Variants in LAMA1 observed in about 807,000 individuals in gnomAD.
LAMA1 encodes the protein laminin subunit alpha 1.
LAMA1 carries 219 observed loss-of-function variants against 348.7 expected under a neutral mutation model. That is an observed-to-expected ratio of 0.63 (90% CI 0.56 to 0.70). The LOEUF is 0.70. Among genes scored for constraint, LAMA1 ranks in the 30% least tolerant of loss-of-function variants. The probability of loss-of-function intolerance (pLI) is 0.00; values close to 1 mark genes in which losing one functional copy is unlikely to be tolerated. For missense variants in LAMA1, 3,744 were observed against 3,888.0 expected, an observed-to-expected ratio of 0.96 and a Z score of 0.99; for synonymous variants, 1,487 against 1,491.0, an observed-to-expected ratio of 1.00 and a Z score of 0.06.
At chr18:7,088,024 C>A (rs73938572) in intron 1 of LAMA1, among the ~76,000 whole-genome samples, 3,208 of 152,260 alleles carry the variant, frequency 0.021, 113 homozygotes, top group African/African-American at 0.072. Context: ...ATCTCTGTTT[C>A]TCTTAAGTTT....
chr18:6,997,772 T>G lies in LAMA1; in HGVS notation c.4776A>C (p.Ser1592=). The stretch of plus-strand genomic sequence containing the variant: ...GATATTTAGTTGTATTTTCCAGGTT[T>G]GACAAAATTCCATATGGGACAGGGA... ...GIIPVPYGIL[S]NLENTTKYLQ... The change falls in exon 33 of 63, where the codon TCA becomes TCC. Residue 1592 remains serine, a synonymous_variant. Transcript: ENST00000389658. The G allele has an allele frequency of 6.2e-7, 1 of 1,614,132 alleles. No homozygotes were observed. Among genetic ancestry groups the G allele is most frequent in the Non-Finnish European group, 8.5e-7 (1 of 1,179,974 alleles).
Position 6,943,243 on chromosome 18 carries a change from T to C in LAMA1, c.9004A>G (p.Ser3002Gly), listed in dbSNP as rs753517616. 1.2e-6 allele frequency: 2 copies of C among 1,614,198 alleles called. No individual in the cohort carries two copies. The highest frequency in any genetic ancestry group is 2.2e-5 in the South Asian group (2 of 91,086). ...IVDGNAVGAESPHTQSTSVDT... is the reference protein window; with the variant it reads ...IVDGNAVGAEGPHTQSTSVDT... ...ACTGAGGTAGACTGGGTGTGTGGACTTTCAGCGCCAACTGCGTTCCCGTCA... is the reference window on the plus strand; with the variant it reads ...ACTGAGGTAGACTGGGTGTGTGGACCTTCAGCGCCAACTGCGTTCCCGTCA... The change falls in exon 62 of 63, where the codon AGT (serine) becomes GGT (glycine). Residue 3002 changes from serine (S) to glycine (G), a missense_variant. Ser to Gly is a moderately conservative substitution (Grantham distance 56). Coordinates refer to ENST00000389658, the MANE Select transcript of LAMA1 (RefSeq NM_005559.4).
At chr18:7,116,887 C>G (rs2143846352) in intron 1 of LAMA1, among the ~76,000 whole-genome samples, 1 of 152,232 alleles carries the variant, frequency 6.6e-6, no homozygotes, top group African/African-American at 2.4e-5. Flanking sequence ...TGAAAATTCG[C>G]TCTGAGTTTC....
intron 58 of LAMA1, among the ~76,000 whole-genome samples, chr18:6,950,571 T>G (rs2057541906): frequency 6.6e-6 from 1 of 152,204 alleles, no homozygotes; most frequent in South Asian, 2.1e-4. Flanking sequence ...GAATGTCTAT[T>G]TCACGTCAGG....
intron 1 of LAMA1, among the ~76,000 whole-genome samples, chr18:7,097,154 C>A (rs549538773): frequency 6.6e-6 from 1 of 152,166 alleles, no homozygotes; most frequent in Non-Finnish European, 1.5e-5. Context: ...CAACCGATAG[C>A]TGGACCAGCC....
chr18:6,953,582 CCT>C (rs1186660656), intron 57 of LAMA1: 1 of 152,160 alleles, frequency 6.6e-6, no homozygotes, highest in African/African-American at 2.4e-5. Flanking sequence ...AGCCAGAAGG[CCT>C]GGGTTCGAAT....
In LAMA1 at chr18:7,021,023, C is replaced by A. The variant is rs559760114; in HGVS notation, c.2701+2141G>T. Among the ~76,000 whole-genome samples, 6 of 152,116 alleles carry A rather than the reference C, an allele frequency of 3.9e-5. No individual in the cohort carries two copies. In the South Asian group the frequency reaches 1.2e-3, roughly 32 times the overall value. The stretch of plus-strand genomic sequence containing the variant: ...CTGCTTCCCACCTATCAGCCCGAGA[C>A]CTCCCCTCCCTGTCTCTGTCTTTTC... On this transcript the variant is annotated intron_variant, in intron 19 of 62. Coordinates refer to ENST00000389658, the MANE Select transcript of LAMA1 (RefSeq NM_005559.4).
chr18:7,014,138 A>C, intron 22 of LAMA1, 87 bp from the exon 23 acceptor site: 2 of 1,028,060 alleles, frequency 1.9e-6, no homozygotes, highest in Non-Finnish European at 3.0e-6. Flanking sequence ...AAAACACTAC[A>C]TGTGGGGAAG....
In LAMA1 at chr18:6,964,690, C is replaced by T. The variant is rs748690780; in HGVS notation, c.7309G>A (p.Gly2437Ser). The change falls in exon 51 of 63, where the codon GGT becomes AGT. Residue 2437 changes from glycine (G) to serine (S), a missense_variant. Physicochemically the swap from Gly to Ser is moderately conservative, Grantham distance 56. This residue lies in a region of LAMA1 where 1,983 missense variants were observed against 1,934.3 expected (regional missense o/e 1.03). Transcript: ENST00000389658. The part of the protein sequence containing the change: ...NRLDKDPIYV[G>S]GLPRSRVVRR... ...ACAACTCTTGACCTTGGTAATCCAC[C>T]CACATAAATCGGGTCCTTGTCTAGG... 27 of 1,614,024 alleles carry T rather than the reference C, an allele frequency of 1.7e-5. No homozygotes were observed. Among genetic ancestry groups the T allele is most frequent in the Non-Finnish European group, 2.0e-5 (24 of 1,180,034 alleles).
rs759861458 is a variant in LAMA1, at chr18:7,009,288, C to T, written c.3952G>A (p.Glu1318Lys). ...TACGATGCCTTGATGAGGATGTACT[C>T]AATATCGCTGAGGACAGACATAAAA... The part of the protein sequence containing the change: ...EDFMSVLSDI[E>K]YILIKASYGQ... The change falls in exon 27 of 63, where the codon GAG becomes AAG. Residue 1318 changes from glutamate (E) to lysine (K), a missense_variant. This residue lies in a region of LAMA1 where 1,983 missense variants were observed against 1,934.3 expected (regional missense o/e 1.03). Transcript: ENST00000389658. 1.9e-6 allele frequency: 3 copies of T among 1,613,996 alleles called. No individual in the cohort carries two copies. In the South Asian group the frequency reaches 3.3e-5, roughly 18 times the overall value.
intron 42 of LAMA1, among the ~76,000 whole-genome samples, chr18:6,979,845 G>C (rs971480087): frequency 2.6e-5 from 4 of 152,204 alleles, no homozygotes; most frequent in African/African-American, 9.7e-5. Flanking sequence ...CTTGCAGTGA[G>C]CCAAGATCGC....
At chr18:7,113,675 AG>A (rs1362692813) in intron 1 of LAMA1, among the ~76,000 whole-genome samples, 1 of 152,190 alleles carries the variant, frequency 6.6e-6, no homozygotes, top group Non-Finnish European at 1.5e-5. Context: ...GAGGGAGAAC[AG>A]GTGAGGCTGC....
chr18:7,081,558 T>C (rs1227599074), intron 1 of LAMA1, among the ~76,000 whole-genome samples: 1 of 152,346 alleles, frequency 6.6e-6, no homozygotes, highest in East Asian at 1.9e-4. Context: ...GCTGATTTTA[T>C]CTTTAAGCAG....
chr18:6,979,869 A>G lies in LAMA1; in HGVS notation c.6007+652T>C, dbSNP rs981496657. On this transcript the variant is annotated intron_variant, in intron 42 of 62. Coordinates refer to ENST00000389658, the MANE Select transcript of LAMA1 (RefSeq NM_005559.4). Reference sequence around the variant, plus strand: ...AGCCAAGATCGCGCCACTGCACTCCAGCCTGGGCGACAGAGCGAGACTCTG... The same window carrying G: ...AGCCAAGATCGCGCCACTGCACTCCGGCCTGGGCGACAGAGCGAGACTCTG... Among the ~76,000 whole-genome samples, 17 of 152,328 alleles carry G rather than the reference A, an allele frequency of 1.1e-4. No individual in the cohort carries two copies. In the East Asian group the frequency reaches 1.5e-3, roughly 14 times the overall value.
At chr18:7,016,439 G>A in intron 21 of LAMA1, 52 bp downstream of exon 21, 2 of 1,603,008 alleles carry the variant, frequency 1.2e-6, no homozygotes, top group Non-Finnish European at 1.7e-6. Flanking sequence ...GAGGGCCCAA[G>A]GAAAGCTCTG....
At chr18:7,020,551 C>A (rs1440105804) in intron 19 of LAMA1, among the ~76,000 whole-genome samples, 1 of 152,136 alleles carries the variant, frequency 6.6e-6, no homozygotes, top group African/African-American at 2.4e-5. Context: ...AGGACTTTGT[C>A]TCATCGAAGC....
intron 44 of LAMA1, among the ~76,000 whole-genome samples, chr18:6,977,128 A>G (rs1440373270): frequency 1.3e-5 from 2 of 152,146 alleles, no homozygotes; most frequent in African/African-American, 4.8e-5. Flanking sequence ...CATTCTCTCA[A>G]AAGGAAACTT....
At chr18:7,110,757 G>A (rs1203337692) in intron 1 of LAMA1, among the ~76,000 whole-genome samples, 1 of 152,088 alleles carries the variant, frequency 6.6e-6, no homozygotes, top group African/African-American at 2.4e-5. Context: ...GGAGGCGGAG[G>A]TTGCAGTCAG....
chr18:7,106,494 G>A (rs1270558882), intron 1 of LAMA1, among the ~76,000 whole-genome samples: 2 of 151,620 alleles, frequency 1.3e-5, no homozygotes, highest in Non-Finnish European at 2.9e-5. Flanking sequence ...CAAGTAGCTC[G>A]GACTACAGGT....
Sources: gnomAD v4.1 joint callset for allele counts (sites outside exome capture counted in the v4.1 genomes callset) on GRCh38, gnomAD v4.1.1 for gene constraint, gnomAD v4.1.1 regional missense constraint, MANE v1.5 for transcripts, NCBI Gene and HGNC (gene_info 2026-07-23, HGNC 2026-07-21) for gene names.